Variants in SLC8A3 observed in about 807,000 individuals in gnomAD.
SLC8A3 encodes sodium/calcium exchanger 3.
A neutral mutation model predicts 65.4 loss-of-function variants in SLC8A3; 37 were observed. The ratio of observed to expected loss-of-function variants is 0.57; its 90% CI spans 0.44 to 0.74. The LOEUF (loss-of-function observed/expected upper bound fraction) is 0.74. SLC8A3 is among the 30% of genes least tolerant of loss of function. The pLI, the probability that SLC8A3 is intolerant of heterozygous loss-of-function variation, is 0.00. For missense variants in SLC8A3, 1,112 were observed against 1,172.1 expected (o/e 0.95, Z 0.75); for synonymous variants, 461 against 444.5 (o/e 1.04, Z -0.47).
intron 3 of SLC8A3, among the ~76,000 whole-genome samples, chr14:70,057,457 C>G (rs1226827153): frequency 1.3e-5 from 2 of 152,176 alleles, no homozygotes; most frequent in Admixed American, 1.3e-4. Flanking sequence ...ACAAAGGCAG[C>G]TCTTCCAGAA....
intron 2 of SLC8A3, among the ~76,000 whole-genome samples, chr14:70,162,323 C>T (rs957823590): frequency 1.3e-5 from 2 of 152,188 alleles, no homozygotes; most frequent in African/African-American, 4.8e-5. Flanking sequence ...CTTTCCAACT[C>T]TAACTTTCTA....
chr14:70,158,718 A>C (rs1056865223), intron 2 of SLC8A3, among the ~76,000 whole-genome samples: 23 of 152,312 alleles, frequency 1.5e-4, no homozygotes, highest in Admixed American at 6.5e-4. Flanking sequence ...TTATATATAT[A>C]CACATATCCA....
intron 2 of SLC8A3, among the ~76,000 whole-genome samples, chr14:70,164,975 A>G (rs1003166105): frequency 2.0e-5 from 3 of 152,224 alleles, no homozygotes; most frequent in Non-Finnish European, 4.4e-5. Context: ...AAATGACTAA[A>G]CAGAGCTCTA....
At chr14:70,068,405 G>T (rs1889677848) in intron 2 of SLC8A3, among the ~76,000 whole-genome samples, 1 of 152,078 alleles carries the variant, frequency 6.6e-6, no homozygotes, top group Non-Finnish European at 1.5e-5. Context: ...TTGAGACAGG[G>T]TCTCACTCTG....
chr14:70,060,607 G>A, intron 3 of SLC8A3: 1 of 675,228 alleles, frequency 1.5e-6, no homozygotes, highest in Non-Finnish European at 2.8e-6. Context: ...GAGGAATTTG[G>A]AATAAGCTAA....
chr14:70,155,735 T>C (rs1896537539), intron 2 of SLC8A3, among the ~76,000 whole-genome samples: 1 of 152,222 alleles, frequency 6.6e-6, no homozygotes, highest in Admixed American at 6.5e-5. Context: ...GCTGTGCCCA[T>C]TCTTTCCAGC....
At chr14:70,077,970 T>C (rs1419295618) in intron 2 of SLC8A3, among the ~76,000 whole-genome samples, 1 of 152,228 alleles carries the variant, frequency 6.6e-6, no homozygotes, top group African/African-American at 2.4e-5. Flanking sequence ...TCCTGTCCTA[T>C]TGATGGAAAT....
intron 2 of SLC8A3, among the ~76,000 whole-genome samples, chr14:70,110,016 C>A (rs73276724): frequency 5.5e-4 from 83 of 151,914 alleles, no homozygotes; most frequent in African/African-American, 2.0e-3. Context: ...AATACATCTA[C>A]TTTTGTTCTT....
chr14:70,046,408 G>A lies in SLC8A3; in HGVS notation c.2390-85C>T. On this transcript the variant is annotated intron_variant, in intron 6 of 6. Coordinates refer to ENST00000356921, the MANE Select transcript of SLC8A3 (RefSeq NM_182932.3). The surrounding 1 kb of genome is among the most constrained non-coding windows in gnomAD (Gnocchi z 4.2). The stretch of plus-strand genomic sequence containing the variant: ...TTCCAGTATGCCCAAAAAGCAGCTT[G>A]AGCTGGTGGGCTGAACCCAGGAATG... 7.1e-7 allele frequency: 1 copy of A among 1,404,614 alleles called. No individual in the cohort carries two copies. Among genetic ancestry groups the A allele is most frequent in the South Asian group, 1.4e-5 (1 of 71,742 alleles). 87.0% of individuals were successfully genotyped at this position (1,404,614 alleles called of 1,614,324 possible).
At chr14:70,078,992 G>A (rs921609887) in intron 2 of SLC8A3, among the ~76,000 whole-genome samples, 1 of 152,174 alleles carries the variant, frequency 6.6e-6, no homozygotes, top group Non-Finnish European at 1.5e-5. Flanking sequence ...TTTCACTGAA[G>A]TCATCAGGCA....
chr14:70,176,089 C>G (rs1232939116), intron 1 of SLC8A3, among the ~76,000 whole-genome samples: 2 of 152,170 alleles, frequency 1.3e-5, no homozygotes, highest in Admixed American at 6.5e-5. Flanking sequence ...TCTGATAACC[C>G]TCTCTACCTC....
intron 4 of SLC8A3, among the ~76,000 whole-genome samples, chr14:70,051,405 A>C (rs1336195273): frequency 6.6e-6 from 1 of 151,978 alleles, no homozygotes; most frequent in Non-Finnish European, 1.5e-5. Context: ...CCATCCTCCC[A>C]CCTCAGCCTC....
intron 2 of SLC8A3, among the ~76,000 whole-genome samples, chr14:70,116,563 T>C (rs8004903): frequency 0.19 from 29,225 of 152,090 alleles, 2,977 homozygotes; most frequent in Middle Eastern, 0.28. Flanking sequence ...TCATCATTGG[T>C]TCTCAGGTAC....
chr14:70,107,238 T>C (rs548241023), intron 2 of SLC8A3, among the ~76,000 whole-genome samples: 28 of 152,022 alleles, frequency 1.8e-4, no homozygotes, highest in Admixed American at 4.6e-4. Context: ...AATCTCTGTT[T>C]GCTCCACAGA....
chr14:70,176,834 G>A (rs1429213269), intron 1 of SLC8A3, among the ~76,000 whole-genome samples: 1 of 152,106 alleles, frequency 6.6e-6, no homozygotes, highest in Non-Finnish European at 1.5e-5. Flanking sequence ...TGTCTTTGTA[G>A]GAAAATGATG....
intron 2 of SLC8A3, among the ~76,000 whole-genome samples, chr14:70,085,257 C>CAACAA (rs145461885): frequency 0.058 from 8,793 of 151,888 alleles, 260 homozygotes; most frequent in Non-Finnish European, 0.065. Flanking sequence ...TTTTCATGCA[C>CAACAA]AACAAAACAA....
At chr14:70,174,567 G>A (rs1198567423) in intron 1 of SLC8A3, among the ~76,000 whole-genome samples, 2 of 151,756 alleles carry the variant, frequency 1.3e-5, no homozygotes. Context: ...TAAGCTAGGA[G>A]GGGGTGGTAG....
intron 1 of SLC8A3, among the ~76,000 whole-genome samples, chr14:70,179,134 A>C (rs1882501611): frequency 6.6e-6 from 1 of 152,020 alleles, no homozygotes; most frequent in African/African-American, 2.4e-5. Context: ...AAACAACCTT[A>C]CCCTAAATAT....
intron 2 of SLC8A3, among the ~76,000 whole-genome samples, chr14:70,132,488 G>A (rs899292383): frequency 6.6e-6 from 1 of 152,144 alleles, no homozygotes; most frequent in Non-Finnish European, 1.5e-5. Context: ...GAGGTGTTCC[G>A]ACCTCCAGCC....
Sources: gnomAD v4.1 joint callset for allele counts (sites outside exome capture counted in the v4.1 genomes callset) on GRCh38, gnomAD v4.1.1 for gene constraint, Gnocchi (gnomAD v3.1) non-coding constraint, MANE v1.5 for transcripts, NCBI Gene and HGNC (gene_info 2026-07-23, HGNC 2026-07-21) for gene names.